Variants in THSD4 observed in about 807,000 individuals in gnomAD.
THSD4 encodes the protein thrombospondin type 1 domain containing 4, also known as thrombospondin type-1 domain-containing protein 4.
A neutral mutation model predicts 119.0 loss-of-function variants in THSD4; 69 were observed. The ratio of observed to expected loss-of-function variants is 0.58; its 90% CI spans 0.48 to 0.71. The LOEUF is 0.71. Among genes scored for constraint, THSD4 ranks in the 30% least tolerant of loss-of-function variants. The probability of loss-of-function intolerance (pLI) is 0.00; values close to 1 mark genes in which losing one functional copy is unlikely to be tolerated. For missense variants in THSD4, 1,393 were observed against 1,391.1 expected, an observed-to-expected ratio of 1.00 and a Z score of -0.02; for synonymous variants, 524 against 540.4, an observed-to-expected ratio of 0.97 and a Z score of 0.42.
intron 7 of THSD4, among the ~76,000 whole-genome samples, chr15:71,517,494 A>G (rs773465694): frequency 6.6e-6 from 1 of 152,190 alleles, no homozygotes; most frequent in African/African-American, 2.4e-5. Context: ...AAATTTAAGT[A>G]TATTTGGATT....
intron 7 of THSD4, among the ~76,000 whole-genome samples, chr15:71,437,151 A>T (rs1390464115): frequency 6.6e-6 from 1 of 152,140 alleles, no homozygotes; most frequent in Non-Finnish European, 1.5e-5. Context: ...ACATAGCAAG[A>T]GCAGCAGCGA....
chr15:71,158,268 C>T lies in THSD4; in HGVS notation c.99+3336C>T, dbSNP rs538467345. Among the ~76,000 whole-genome samples the T allele has an allele frequency of 3.3e-5, 5 of 151,632 alleles. No homozygotes were observed. In the East Asian group the frequency reaches 7.8e-4, roughly 24 times the overall value. ...TCCTGGGCTCAAGTGATTCTTCTGC[C>T]TCAGCCTCCTGAGTAGCTGGGATTA... On this transcript the variant is annotated intron_variant, in intron 3 of 17. Coordinates refer to ENST00000261862, the MANE Select transcript of THSD4 (RefSeq NM_024817.3).
chr15:71,483,693 C>T (rs1238026107), intron 7 of THSD4, among the ~76,000 whole-genome samples: 2 of 152,080 alleles, frequency 1.3e-5, no homozygotes, highest in Non-Finnish European at 2.9e-5. Flanking sequence ...GTCAACCCAT[C>T]ACCTAGGTAT....
rs146919534 is a variant in THSD4, at chr15:71,190,165, G to C, written c.100-24870G>C. The stretch of plus-strand genomic sequence containing the variant: ...GGCTCAAGGTCCCTCTCATCTCTCT[G>C]TAGCCTGCCCATACCAATCAAATGG... On this transcript the variant is annotated intron_variant, in intron 3 of 17. Transcript: ENST00000261862. Among the ~76,000 whole-genome samples, 133 of 152,308 alleles carry C rather than the reference G, an allele frequency of 8.7e-4. 1 individual carries two copies. The highest frequency in any genetic ancestry group is 1.5e-3 in the Non-Finnish European group (100 of 68,022).
chr15:71,257,919 G>T (rs1457219045), intron 6 of THSD4, among the ~76,000 whole-genome samples: 1 of 152,042 alleles, frequency 6.6e-6, no homozygotes, highest in Admixed American at 6.6e-5. Context: ...CACATACAAC[G>T]GGTGGGGAAC....
Position 71,418,648 on chromosome 15 carries a change from A to T in THSD4, c.1152+6825A>T, listed in dbSNP as rs1218873011. On this transcript the variant is annotated intron_variant, in intron 7 of 17. Coordinates refer to ENST00000261862, the MANE Select transcript of THSD4 (RefSeq NM_024817.3). ...AATGATATTTTTATTGTGTTGTTGA[A>T]TTTAGTTTGCTAGTTTTTTTCTGAA... 5.5e-5 allele frequency among the ~76,000 whole-genome samples: 6 copies of T among 109,124 alleles called. 2 individuals are homozygous for T. The highest frequency in any genetic ancestry group is 8.1e-5 in the Non-Finnish European group (4 of 49,390). 71.6% of individuals were successfully genotyped at this position (109,124 alleles called of 152,430 possible). A position where few individuals can be genotyped will look rare whatever the true frequency, so the allele number is the denominator to read the frequency against.
intron 7 of THSD4, among the ~76,000 whole-genome samples, chr15:71,568,481 AAAC>A (rs1033567926): frequency 3.3e-5 from 5 of 152,072 alleles, no homozygotes; most frequent in African/African-American, 1.2e-4. Flanking sequence ...ACCTTTTTCA[AAAC>A]AAGTAAAACA....
intron 7 of THSD4, among the ~76,000 whole-genome samples, chr15:71,604,656 T>A (rs2050074194): frequency 6.6e-6 from 1 of 152,158 alleles, no homozygotes; most frequent in Non-Finnish European, 1.5e-5. Flanking sequence ...TCATTTAAAC[T>A]TAGAGGAGCC....
At chr15:71,259,139 A>AT (rs1418368439) in intron 6 of THSD4, among the ~76,000 whole-genome samples, 1 of 152,090 alleles carries the variant, frequency 6.6e-6, no homozygotes, top group African/African-American at 2.4e-5. Context: ...ACAAAAAAAA[A>AT]GAAGAGGAGA....
At chr15:71,192,238 C>CT (rs1173971480) in intron 3 of THSD4, among the ~76,000 whole-genome samples, 1 of 151,694 alleles carries the variant, frequency 6.6e-6, no homozygotes, top group Non-Finnish European at 1.5e-5. Context: ...TTCCAAAAGC[C>CT]TTTTTTTGAT....
chr15:71,441,615 G>A (rs755233880), intron 7 of THSD4, among the ~76,000 whole-genome samples: 19 of 151,736 alleles, frequency 1.3e-4, no homozygotes, highest in African/African-American at 1.7e-4. Flanking sequence ...GGCTGGTCTC[G>A]AACTGCTGAC....
At chr15:71,638,312 A>G (rs1595815639) in intron 7 of THSD4, among the ~76,000 whole-genome samples, 1 of 152,202 alleles carries the variant, frequency 6.6e-6, no homozygotes, top group South Asian at 2.1e-4. Flanking sequence ...TCATTTGGAT[A>G]TTTGTGGGCC....
At chr15:71,139,506 G>A (rs1051587411) in intron 1 of THSD4, among the ~76,000 whole-genome samples, 1 of 152,168 alleles carries the variant, frequency 6.6e-6, no homozygotes, top group Non-Finnish European at 1.5e-5. Flanking sequence ...CCTTCTTCCT[G>A]GTGGATCTCA....
chr15:71,235,415 C>T (rs1706515349), intron 4 of THSD4, among the ~76,000 whole-genome samples: 1 of 152,172 alleles, frequency 6.6e-6, no homozygotes. Context: ...TAGATTTTCT[C>T]CACAGAATCT....
In THSD4 at chr15:71,537,768, A is replaced by G. The variant is rs1358649823; in HGVS notation, c.1153-122762A>G. On this transcript the variant is annotated intron_variant, in intron 7 of 17. Coordinates refer to ENST00000261862, the MANE Select transcript of THSD4 (RefSeq NM_024817.3). ...TAAAAAAATTTTTTTTTATTTTTTT[A>G]TTTTTATTTTTGAGACAGAGTCTCA... 3.3e-5 allele frequency among the ~76,000 whole-genome samples: 5 copies of G among 151,742 alleles called. No individual in the cohort carries two copies. The East Asian group carries it at 9.7e-4, about 29-fold the overall frequency.
chr15:71,104,358 C>T (rs1371489517), intron 1 of THSD4, among the ~76,000 whole-genome samples: 1 of 152,124 alleles, frequency 6.6e-6, no homozygotes, highest in Non-Finnish European at 1.5e-5. Flanking sequence ...ATGTGTGGGG[C>T]TTTTTCTCCA....
intron 3 of THSD4, among the ~76,000 whole-genome samples, chr15:71,171,101 A>G (rs957068381): frequency 6.6e-6 from 1 of 152,180 alleles, no homozygotes; most frequent in Admixed American, 6.5e-5. Flanking sequence ...CAAAAGGAGA[A>G]GAGATAGGGA....
In THSD4 at chr15:71,277,128, C is replaced by CTT. The variant is rs779207517; in HGVS notation, c.1015+20426_1015+20427dup. ...TATTTGTATTTGAATTCTTCTTCTT[C>CTT]TTTTTTTTTTTTTTGAAACGGAGTT... On this transcript the variant is annotated intron_variant, in intron 6 of 17. Transcript: ENST00000261862. 1.2e-4 allele frequency among the ~76,000 whole-genome samples: 15 copies of CTT among 123,004 alleles called. 1 individual carries two copies. The highest frequency in any genetic ancestry group is 5.4e-4 in the East Asian group (2 of 3,698). The allele number at this position is 123,004 out of a possible 152,430, so 80.7% of individuals were successfully genotyped here.
chr15:71,603,266 A>G (rs2050046949), intron 7 of THSD4, among the ~76,000 whole-genome samples: 1 of 152,180 alleles, frequency 6.6e-6, no homozygotes, highest in Non-Finnish European at 1.5e-5. Context: ...CTGGGCAAAA[A>G]GAAAAAAAAC....
Sources: allele counts gnomAD v4.1 joint callset (sites outside exome capture counted in the v4.1 genomes callset), GRCh38; gene constraint gnomAD v4.1.1; transcripts MANE v1.5; gene names NCBI Gene and HGNC (gene_info 2026-07-23, HGNC 2026-07-21).